Variants in MRAP2 observed in about 807,000 individuals in gnomAD.
The protein encoded by MRAP2 is melanocortin-2 receptor accessory protein 2.
A neutral mutation model predicts 17.4 loss-of-function variants in MRAP2; 20 were observed. The observed-to-expected ratio is 1.15, with a 90% CI of 0.81 to 1.67. The LOEUF is 1.67. Ranked by LOEUF, MRAP2 falls within the 40% of genes most tolerant of loss-of-function variation. The pLI, the probability that MRAP2 is intolerant of heterozygous loss-of-function variation, is 0.00. For synonymous variants in MRAP2, 96 were observed against 88.4 expected (o/e 1.09, Z -0.48); for missense variants, 238 against 240.0 (o/e 0.99, Z 0.05).
At chr6:84,037,748 G>A (rs1250318034) in intron 1 of MRAP2, among the ~76,000 whole-genome samples, 13 of 152,164 alleles carry the variant, frequency 8.5e-5, no homozygotes, top group Admixed American at 3.9e-4. Flanking sequence ...CACTGCCCAG[G>A]GCTGGTGGGG....
intron 1 of MRAP2, among the ~76,000 whole-genome samples, chr6:84,042,007 G>A (rs548914662): frequency 9.2e-5 from 14 of 152,172 alleles, no homozygotes; most frequent in Admixed American, 2.0e-4. Context: ...GTCCCCACCC[G>A]TCTCATCTTG....
intron 3 of MRAP2, among the ~76,000 whole-genome samples, chr6:84,075,003 A>G (rs575251744): frequency 7.9e-5 from 12 of 152,304 alleles, no homozygotes; most frequent in African/African-American, 2.9e-4. Flanking sequence ...GTAAGAAGTT[A>G]ATCCTCAAAT....
At chr6:84,131,940 T>C in the MRAP2 span, among the ~76,000 whole-genome samples, 2 of 152,356 alleles carry the variant, frequency 1.3e-5, no homozygotes, top group South Asian at 2.1e-4. Context: ...CTAGCACTGA[T>C]GGTCTTTACA....
intron 3 of MRAP2, among the ~76,000 whole-genome samples, chr6:84,066,004 A>AACACACACACACAC (rs10684117): frequency 9.1e-5 from 13 of 142,522 alleles, no homozygotes; most frequent in African/African-American, 2.8e-4. Flanking sequence ...TCTCTTTATA[A>AACACACACACACAC]ACACACACAC....
chr6:84,089,170 G>A lies in MRAP2; in HGVS notation c.307G>A (p.Val103Ile). Residue 103 changes from valine (V) to isoleucine (I), a missense_variant, in exon 4 of 4, where the codon GTA (valine) becomes ATA (isoleucine). By Grantham distance (29) the Val-to-Ile change is conservative. Transcript: ENST00000257776. ...TGGAAGACCTCTGGAGCCAGATAAA[G>A]TATTTTCTCGCCAAGGCAACGAGGA... ...DFGRPLEPDK[V>I]FSRQGNEESR... 1 of 1,614,170 alleles carries A rather than the reference G, an allele frequency of 6.2e-7. No homozygotes were observed.
chr6:84,078,472 A>G (rs1402749431), intron 3 of MRAP2, among the ~76,000 whole-genome samples: 2 of 152,172 alleles, frequency 1.3e-5, no homozygotes, highest in Admixed American at 1.3e-4. Context: ...CATTAACATG[A>G]TTGACAACAC....
intron 1 of MRAP2, among the ~76,000 whole-genome samples, chr6:84,049,427 A>G (rs1030672851): frequency 1.3e-5 from 2 of 151,914 alleles, no homozygotes; most frequent in Non-Finnish European, 2.9e-5. Flanking sequence ...TCCATCTCAG[A>G]AAAAAAACAC....
chr6:84,079,650 T>C, intron 3 of MRAP2, among the ~76,000 whole-genome samples: 1 of 152,220 alleles, frequency 6.6e-6, no homozygotes, highest in Non-Finnish European at 1.5e-5. Context: ...ACAGAGGCTC[T>C]CTGAAAGAAA....
the MRAP2 span, among the ~76,000 whole-genome samples, chr6:84,111,645 A>C: frequency 6.6e-6 from 1 of 152,164 alleles, no homozygotes; most frequent in Non-Finnish European, 1.5e-5. Context: ...ACTGTGTTGA[A>C]TAGGAGTGGT....
chr6:84,050,598 C>G (rs2099490193), intron 1 of MRAP2, among the ~76,000 whole-genome samples: 1 of 152,178 alleles, frequency 6.6e-6, no homozygotes, highest in Non-Finnish European at 1.5e-5. Context: ...TGAGCTTTAT[C>G]TTTGGTTTCT....
chr6:84,119,391 CT>C, the MRAP2 span, among the ~76,000 whole-genome samples: 1 of 152,300 alleles, frequency 6.6e-6, no homozygotes, highest in East Asian at 1.9e-4. Context: ...AACACTCCCA[CT>C]TTTAACAGTA....
chr6:84,120,355 G>C, the MRAP2 span, among the ~76,000 whole-genome samples: 3 of 152,078 alleles, frequency 2.0e-5, no homozygotes, highest in African/African-American at 7.2e-5. Context: ...TAGCTCTCTG[G>C]GTATCTCATA....
intron 1 of MRAP2, among the ~76,000 whole-genome samples, chr6:84,040,934 A>G (rs925059394): frequency 3.3e-5 from 5 of 152,246 alleles, no homozygotes; most frequent in Non-Finnish European, 5.9e-5. Context: ...AGTAACAAGG[A>G]GCTAAATGTT....
the MRAP2 span, among the ~76,000 whole-genome samples, chr6:84,116,387 C>T: frequency 3.4e-4 from 52 of 152,304 alleles, no homozygotes; most frequent in Admixed American, 1.2e-3. Flanking sequence ...TCACTGGACT[C>T]TCATTGTGTC....
At chr6:84,062,187 C>A in intron 2 of MRAP2, 1 of 843,486 alleles carries the variant, frequency 1.2e-6, no homozygotes, top group Non-Finnish European at 1.4e-6. Flanking sequence ...TGAGCTGTGA[C>A]CTAGCTTACT....
chr6:84,047,502 A>C (rs1334738985), intron 1 of MRAP2, among the ~76,000 whole-genome samples: 1 of 152,080 alleles, frequency 6.6e-6, no homozygotes, highest in Non-Finnish European at 1.5e-5. Context: ...TAAAAAAAAA[A>C]AAACTATAAA....
chr6:84,083,125 G>A (rs2099499429), intron 3 of MRAP2, among the ~76,000 whole-genome samples: 1 of 152,120 alleles, frequency 6.6e-6, no homozygotes, highest in African/African-American at 2.4e-5. Context: ...TTGTTCAAGT[G>A]TGCTCTCATG....
intron 1 of MRAP2, among the ~76,000 whole-genome samples, chr6:84,034,286 G>T (rs951333064): frequency 6.6e-6 from 1 of 152,048 alleles, no homozygotes; most frequent in Non-Finnish European, 1.5e-5. Context: ...CCCTGCAACT[G>T]AGAGAGCCCC....
At chr6:84,125,245 G>A in the MRAP2 span, 24 of 1,613,278 alleles carry the variant, frequency 1.5e-5, no homozygotes, top group Non-Finnish European at 1.9e-5. Context: ...GTTTTGCTCA[G>A]TTTCTACTAC....
Sources: allele counts gnomAD v4.1 joint callset (sites outside exome capture counted in the v4.1 genomes callset), GRCh38; gene constraint gnomAD v4.1.1; transcripts MANE v1.5; gene names NCBI Gene and HGNC (gene_info 2026-07-23, HGNC 2026-07-21).